ATP6V0A2: variants seen among roughly 807,000 people sequenced by gnomAD.
The protein encoded by ATP6V0A2 is ATPase H+ transporting V0 subunit a2.
In ATP6V0A2, 58 loss-of-function variants were observed where a neutral mutation model predicts 104.4. The ratio of observed to expected loss-of-function variants is 0.56; its 90% CI spans 0.45 to 0.69. ATP6V0A2 has a LOEUF of 0.69. Among genes scored for constraint, ATP6V0A2 ranks in the 30% least tolerant of loss-of-function variants. The pLI is 0.00. For synonymous variants in ATP6V0A2, 376 were observed against 397.9 expected (o/e 0.95, Z 0.65); for missense variants, 938 against 1,062.9 (o/e 0.88, Z 1.63).
intron 19 of ATP6V0A2, among the ~76,000 whole-genome samples, chr12:123,757,427 G>A (rs1402956498): frequency 7.9e-6 from 1 of 127,364 alleles, no homozygotes; most frequent in Admixed American, 8.8e-5. Context: ...GGGGACGAGC[G>A]AAACTCTGTG....
At chr12:123,752,545 C>T (rs1057247472) in intron 17 of ATP6V0A2, 143 bp downstream of exon 17, 10 of 1,013,314 alleles carry the variant, frequency 9.9e-6, no homozygotes, top group African/African-American at 1.6e-5. Flanking sequence ...GAGAAACCAG[C>T]GCTTTCCAAA....
At position 123,759,029 on chromosome 12, in the gene ATP6V0A2, A is replaced by G. The variant is rs374608361; in HGVS notation, c.*997A>G. 6 of 152,764 alleles carry G rather than the reference A, an allele frequency of 3.9e-5. No individual in the cohort carries two copies. In the South Asian group the frequency reaches 1.0e-3, roughly 26 times the overall value. 9.5% of individuals were successfully genotyped at this position (152,764 alleles called of 1,614,324 possible). ...TGATAATTGTATGTTTGGAAGATAAATTGTATGCTGAGCCTTAAAACCCAG... is the reference window on the plus strand; with the variant it reads ...TGATAATTGTATGTTTGGAAGATAAGTTGTATGCTGAGCCTTAAAACCCAG... On this transcript the variant is annotated 3_prime_UTR_variant, in exon 20 of 20. Coordinates refer to ENST00000330342, the MANE Select transcript of ATP6V0A2 (RefSeq NM_012463.4).
intron 2 of ATP6V0A2, chr12:123,721,110 G>A (rs1283986719): frequency 6.6e-6 from 1 of 152,178 alleles, no homozygotes; most frequent in East Asian, 1.9e-4. Flanking sequence ...CTAAGGAAAG[G>A]GATGCTTCAT....
chr12:123,736,481 C>T (rs11615878), intron 8 of ATP6V0A2, among the ~76,000 whole-genome samples: 8 of 152,116 alleles, frequency 5.3e-5, no homozygotes, highest in Non-Finnish European at 1.2e-4. Context: ...TGTGAGCTAC[C>T]GCCCCCGGTC....
At chr12:123,718,547 G>T in intron 1 of ATP6V0A2, 76 bp from the exon 2 acceptor site, 1 of 1,096,212 alleles carries the variant, frequency 9.1e-7, no homozygotes, top group Non-Finnish European at 1.4e-6. Context: ...CCCAAACTTT[G>T]GTGATGTTTT....
At chr12:123,723,258 A>C (rs781502464) in intron 3 of ATP6V0A2, 1 of 152,146 alleles carries the variant, frequency 6.6e-6, no homozygotes, top group Non-Finnish European at 1.5e-5. Context: ...CTTGTGATGT[A>C]ATTACAAACA....
chr12:123,737,474 C>G, intron 9 of ATP6V0A2: 1 of 587,156 alleles, frequency 1.7e-6, no homozygotes, highest in Non-Finnish European at 3.0e-6. Flanking sequence ...GTCTCAAACT[C>G]CTGGCCCCGA....
chr12:123,750,734 A>C (rs1956706574), intron 15 of ATP6V0A2: 1 of 313,936 alleles, frequency 3.2e-6, no homozygotes, highest in Non-Finnish European at 6.2e-6. Context: ...GACGGTCTTT[A>C]TAATCATCAA....
intron 16 of ATP6V0A2, among the ~76,000 whole-genome samples, chr12:123,751,586 A>G (rs1192447208): frequency 6.6e-6 from 1 of 152,108 alleles, no homozygotes; most frequent in Non-Finnish European, 1.5e-5. Context: ...CCTGGGAGGC[A>G]GAGGTTGCAG....
chr12:123,716,366 C>T (rs1308663637), intron 1 of ATP6V0A2, among the ~76,000 whole-genome samples: 1 of 152,064 alleles, frequency 6.6e-6, no homozygotes, highest in East Asian at 1.9e-4. Flanking sequence ...CAGGCCTGGC[C>T]TAGAAGATAA....
At chr12:123,741,966 A>T (rs1956613613) in intron 9 of ATP6V0A2, among the ~76,000 whole-genome samples, 1 of 151,830 alleles carries the variant, frequency 6.6e-6, no homozygotes, top group South Asian at 2.1e-4. Context: ...TGGATCTGAG[A>T]TGTCCTCTGT....
At chr12:123,750,726 CGG>C in intron 15 of ATP6V0A2, 2 of 293,652 alleles carry the variant, frequency 6.8e-6, no homozygotes, top group South Asian at 6.9e-5. Flanking sequence ...AGTCCTCAGA[CGG>C]TCTTTATAAT....
At position 123,744,615 on chromosome 12, in the gene ATP6V0A2, A is replaced by G. The variant is rs774218920; in HGVS notation, c.1345A>G (p.Asn449Asp). Residue 449 changes from asparagine (N) to aspartate (D), a missense_variant, in exon 12 of 20, where the codon AAT becomes GAT. Coordinates refer to ENST00000330342, the MANE Select transcript of ATP6V0A2 (RefSeq NM_012463.4). This position sits in a 1 kb window ranked among gnomAD's most constrained non-coding sequence, Gnocchi z 5.4. ...TTCACAGATCATGAGGATGTTTTTT[A>G]ATGGCCGGTACATCCTCCTGCTGAT... ...QSQEIMRMFF[N>D]GRYILLLMGL... is the part of the protein sequence containing the mutation. 1.5e-5 allele frequency: 24 copies of G among 1,613,044 alleles called. No individual in the cohort carries two copies. The South Asian group carries it at 2.5e-4, about 17-fold the overall frequency.
intron 6 of ATP6V0A2, among the ~76,000 whole-genome samples, chr12:123,729,246 G>A (rs1421683371): frequency 6.7e-6 from 1 of 149,470 alleles, no homozygotes; most frequent in Non-Finnish European, 1.5e-5. Flanking sequence ...GCACTTGTTT[G>A]TACAACAGGA....
chr12:123,752,236 A>G (rs773502441), intron 16 of ATP6V0A2, 47 bp from the exon 17 acceptor site: 1 of 1,613,206 alleles, frequency 6.2e-7, no homozygotes. Context: ...TTTTGTCACA[A>G]CCTTGTGGTT....
chr12:123,741,012 T>C (rs1381989479), intron 9 of ATP6V0A2, among the ~76,000 whole-genome samples: 2 of 152,230 alleles, frequency 1.3e-5, no homozygotes, highest in Non-Finnish European at 2.9e-5. Context: ...TTATTTGTTT[T>C]GTGGACATTC....
Position 123,752,312 on chromosome 12 carries a change from T to C in ATP6V0A2, c.2085T>C (p.Ser695=). The C allele has an allele frequency of 1.9e-6, 3 of 1,614,108 alleles. No homozygotes were observed. The highest frequency in any genetic ancestry group is 2.5e-6 in the Non-Finnish European group (3 of 1,180,028). The part of the protein sequence containing the change: ...RSGYTLIRKD[S]EEEVSLLGSQ... ...GCTACACACTTATAAGGAAAGATAG[T>C]GAGGAAGAAGTTTCATTGCTGGGAA... Residue 695 remains serine, a synonymous_variant, in exon 17 of 20, where the codon AGT becomes AGC. Coordinates refer to ENST00000330342, the MANE Select transcript of ATP6V0A2 (RefSeq NM_012463.4).
rs886049067 is a variant in ATP6V0A2, at chr12:123,759,712, C to T, written c.*1680C>T. The T allele has an allele frequency of 2.6e-5, 4 of 152,244 alleles. No homozygotes were observed. Among genetic ancestry groups the T allele is most frequent in the South Asian group, 2.1e-4 (1 of 4,828 alleles). The allele number at this position is 152,244 out of a possible 1,614,324, so 9.4% of individuals were successfully genotyped here. ...GAGAGTCTGGAGGTGCTGAGTTTAACGTGGCTGTGCAGCTGATTTCAAGGC... is the reference window on the plus strand; with the variant it reads ...GAGAGTCTGGAGGTGCTGAGTTTAATGTGGCTGTGCAGCTGATTTCAAGGC... On this transcript the variant is annotated 3_prime_UTR_variant, in exon 20 of 20. Transcript: ENST00000330342.
At chr12:123,735,669 A>G in intron 8 of ATP6V0A2, 45 bp downstream of exon 8, 3 of 1,401,496 alleles carry the variant, frequency 2.1e-6, no homozygotes, top group Non-Finnish European at 3.0e-6. Flanking sequence ...GAGGGCTGCC[A>G]AACATTTACA....
Sources: allele counts gnomAD v4.1 joint callset (sites outside exome capture counted in the v4.1 genomes callset), GRCh38; gene constraint gnomAD v4.1.1; non-coding constraint Gnocchi (gnomAD v3.1); transcripts MANE v1.5; gene names NCBI Gene and HGNC (gene_info 2026-07-23, HGNC 2026-07-21).